The following OPCML variants were observed in gnomAD, a reference collection of about 807,000 sequenced individuals.
The protein encoded by OPCML is opioid-binding protein/cell adhesion molecule.
A neutral mutation model predicts 37.8 loss-of-function variants in OPCML; 13 were observed. That is an observed-to-expected ratio of 0.34 (90% confidence interval 0.22 to 0.55). The LOEUF is 0.55. OPCML is among the 20% of genes least tolerant of loss of function. The pLI, the probability that OPCML is intolerant of heterozygous loss-of-function variation, is 0.91. For synonymous variants in OPCML, 176 were observed against 168.8 expected (o/e 1.04, Z -0.33); for missense variants, 341 against 435.6 (o/e 0.78, Z 1.93).
At chr11:132,654,493 C>A (rs780048903) in intron 3 of OPCML, among the ~76,000 whole-genome samples, 2 of 151,614 alleles carry the variant, frequency 1.3e-5, no homozygotes, top group Non-Finnish European at 2.9e-5. Context: ...AAGCTCCTCC[C>A]CAAGAGAAGC....
At chr11:132,570,671 C>A (rs1321656557) in intron 3 of OPCML, among the ~76,000 whole-genome samples, 1 of 146,484 alleles carries the variant, frequency 6.8e-6, no homozygotes, top group Non-Finnish European at 1.5e-5. Context: ...AAATAAAAAA[C>A]ACATAATATG....
chr11:133,376,884 T>A (rs1053208548), intron 1 of OPCML, among the ~76,000 whole-genome samples: 5 of 152,128 alleles, frequency 3.3e-5, no homozygotes, highest in African/African-American at 1.2e-4. Flanking sequence ...CATGTCGGTG[T>A]AACCCAGTAC....
At chr11:132,905,392 C>T (rs1036859041) in intron 2 of OPCML, among the ~76,000 whole-genome samples, 6 of 151,834 alleles carry the variant, frequency 4.0e-5, no homozygotes, top group South Asian at 2.1e-4. Context: ...CCACCACGTC[C>T]GGCTAATTTT....
chr11:133,405,249 C>T (rs1375168588), intron 1 of OPCML, among the ~76,000 whole-genome samples: 5 of 152,192 alleles, frequency 3.3e-5, no homozygotes, highest in African/African-American at 1.2e-4. Context: ...ACAGTGTCCC[C>T]TCTGCCAGAG....
intron 1 of OPCML, among the ~76,000 whole-genome samples, chr11:133,194,886 A>G (rs929646154): frequency 6.6e-6 from 1 of 152,196 alleles, no homozygotes; most frequent in Non-Finnish European, 1.5e-5. Flanking sequence ...GGCTTCCAGC[A>G]TGGAATTCAC....
chr11:133,291,503 G>A (rs1263956208), intron 1 of OPCML, among the ~76,000 whole-genome samples: 2 of 152,180 alleles, frequency 1.3e-5, no homozygotes, highest in Non-Finnish European at 2.9e-5. Context: ...CCTTCCCCAG[G>A]GAAAGCCGGT....
intron 1 of OPCML, chr11:133,361,443 A>G (rs1944415300): frequency 6.5e-6 from 1 of 152,848 alleles, no homozygotes; most frequent in African/African-American, 2.4e-5. Context: ...CGATCAGGAC[A>G]CCACCAATGC....
chr11:133,394,761 C>A (rs1945250643), intron 1 of OPCML, among the ~76,000 whole-genome samples: 1 of 152,190 alleles, frequency 6.6e-6, no homozygotes, highest in Non-Finnish European at 1.5e-5. Flanking sequence ...ACTACATTTT[C>A]TTCATTCATC....
intron 3 of OPCML, among the ~76,000 whole-genome samples, chr11:132,584,523 C>A (rs1452317882): frequency 6.6e-6 from 1 of 152,060 alleles, no homozygotes; most frequent in African/African-American, 2.4e-5. Context: ...ATTTTAATTT[C>A]ATAAAGGATA....
At chr11:132,613,144 T>C (rs1040692110) in intron 3 of OPCML, among the ~76,000 whole-genome samples, 1 of 152,186 alleles carries the variant, frequency 6.6e-6, no homozygotes, top group African/African-American at 2.4e-5. Context: ...ATGTCACCCT[T>C]TCTGCTCATC....
intron 3 of OPCML, among the ~76,000 whole-genome samples, chr11:132,599,484 GAA>G (rs1201029564): frequency 6.6e-6 from 1 of 151,728 alleles, no homozygotes; most frequent in African/African-American, 2.4e-5. Flanking sequence ...GAAGAGGAAA[GAA>G]AAAGAGACAA....
intron 2 of OPCML, among the ~76,000 whole-genome samples, chr11:132,888,250 G>C (rs1411765814): frequency 6.6e-6 from 1 of 152,134 alleles, no homozygotes; most frequent in Non-Finnish European, 1.5e-5. Context: ...AAGGCACATG[G>C]GCCCAACCAG....
At chr11:133,313,231 T>G (rs1408310777) in intron 1 of OPCML, among the ~76,000 whole-genome samples, 1 of 152,222 alleles carries the variant, frequency 6.6e-6, no homozygotes, top group Non-Finnish European at 1.5e-5. Flanking sequence ...ATAATAGGCA[T>G]TCAGTCAATA....
chr11:132,430,369 G>A (rs533122779), intron 7 of OPCML, among the ~76,000 whole-genome samples: 3 of 152,180 alleles, frequency 2.0e-5, no homozygotes, highest in Non-Finnish European at 4.4e-5. Flanking sequence ...ATGAGAAGGA[G>A]GTCAGCAAAG....
chr11:133,002,781 G>C (rs919929087), intron 1 of OPCML, among the ~76,000 whole-genome samples: 3 of 151,892 alleles, frequency 2.0e-5, no homozygotes, highest in Admixed American at 1.3e-4. Flanking sequence ...GAAAGAGAGG[G>C]GGGGGTGGGA....
chr11:132,675,228 T>C (rs151270813), intron 2 of OPCML, among the ~76,000 whole-genome samples: 42 of 151,124 alleles, frequency 2.8e-4, no homozygotes, highest in African/African-American at 1.0e-3. Flanking sequence ...TAAAACGTTA[T>C]ATATGTATAT....
chr11:133,161,504 T>C (rs1407437692), intron 1 of OPCML, among the ~76,000 whole-genome samples: 1 of 152,026 alleles, frequency 6.6e-6, no homozygotes, highest in Non-Finnish European at 1.5e-5. Context: ...GGCAGAAAGA[T>C]AGTCTATTTG....
rs74652596 is a variant in OPCML at position 132,517,442 on chromosome 11, G to A, written c.505+11619C>T. Among the ~76,000 whole-genome samples the A allele has an allele frequency of 4.0e-3, 608 of 152,282 alleles. 5 individuals carry two copies. Among genetic ancestry groups the A allele is most frequent in the African/African-American group, 0.014 (579 of 41,558 alleles). ...TCCTTCAACATCTGGCCAGATGAAGGAGCTCAGTGTCTAAATTAAAGTGCA... is the reference window on the plus strand; with the variant it reads ...TCCTTCAACATCTGGCCAGATGAAGAAGCTCAGTGTCTAAATTAAAGTGCA... On this transcript the variant is annotated intron_variant, in intron 4 of 7. Coordinates refer to ENST00000524381, the MANE Select transcript of OPCML (RefSeq NM_001012393.5).
At chr11:132,823,652 G>A (rs927133998) in intron 2 of OPCML, among the ~76,000 whole-genome samples, 8 of 152,008 alleles carry the variant, frequency 5.3e-5, no homozygotes, top group African/African-American at 1.2e-4. Context: ...TCCATTTATC[G>A]TCTCATATTT....
Sources: gnomAD v4.1 joint callset for allele counts (sites outside exome capture counted in the v4.1 genomes callset) on GRCh38, gnomAD v4.1.1 for gene constraint, MANE v1.5 for transcripts, NCBI Gene and HGNC (gene_info 2026-07-23, HGNC 2026-07-21) for gene names.